The following IPO9 variants were observed in gnomAD, a reference collection of about 807,000 sequenced individuals.
The protein encoded by IPO9 is importin-9.
A neutral mutation model predicts 128.6 loss-of-function variants in IPO9; 28 were observed. The observed-to-expected ratio is 0.22, with a 90% CI of 0.16 to 0.30. IPO9 has a LOEUF of 0.30. Among genes scored for constraint, IPO9 ranks in the 10% least tolerant of loss-of-function variants. The pLI is 1.00. For missense variants in IPO9, 935 were observed against 1,293.9 expected (o/e 0.72, Z 4.26); for synonymous variants, 455 against 475.8 (o/e 0.96, Z 0.57).
At position 201,829,355 on chromosome 1, in the gene IPO9, T is replaced by C. The variant is rs1679783694; in HGVS notation, c.146T>C (p.Val49Ala). ...VRAAAEEQIK[V>A]LEVTEEFGVH... ...GCGGCTGCTGAAGAACAGATTAAGGTGCTGGAGGTGACGGAGGGTGAGTGA... is the reference window on the plus strand; with the variant it reads ...GCGGCTGCTGAAGAACAGATTAAGGCGCTGGAGGTGACGGAGGGTGAGTGA... Residue 49 changes from valine to alanine, a missense_variant, in exon 1 of 24, where the codon GTG (valine) becomes GCG (alanine). Val to Ala is a moderately conservative substitution (Grantham distance 64). Coordinates refer to ENST00000361565, the MANE Select transcript of IPO9 (RefSeq NM_018085.5). The C allele has an allele frequency of 1.9e-6, 3 of 1,575,460 alleles. No individual in the cohort carries two copies. In the Admixed American group the frequency reaches 5.5e-5, roughly 29 times the overall value.
rs1680145797 is a variant in IPO9 at position 201,847,642 on chromosome 1, A to G, written c.312+4A>G. 7.5e-6 allele frequency: 12 copies of G among 1,602,248 alleles called. No homozygotes were observed. Among genetic ancestry groups the G allele is most frequent in the Non-Finnish European group, 1.0e-5 (12 of 1,169,198 alleles). On this transcript the variant is annotated splice_donor_region_variant and intron_variant, in intron 3 of 23. Transcript: ENST00000361565. ...GCCTCCTGAAACTACAGAAAGGGTA[A>G]GTCAGTTACTTGATTAGTCTACCTG...
chr1:201,857,675 A>G (rs2102880332), intron 11 of IPO9, among the ~76,000 whole-genome samples: 1 of 152,096 alleles, frequency 6.6e-6, no homozygotes, highest in Admixed American at 6.5e-5. Context: ...CATGCCTGTA[A>G]TCCCAGCTAC....
At chr1:201,847,719 G>T (rs1253400076) in intron 3 of IPO9, 81 bp downstream of exon 3, 1 of 992,002 alleles carries the variant, frequency 1.0e-6, no homozygotes, top group Non-Finnish European at 1.6e-6. Flanking sequence ...TTCTTTGACA[G>T]CATGGAGCAA....
intron 16 of IPO9, among the ~76,000 whole-genome samples, chr1:201,869,369 CA>C (rs1473988196): frequency 1.3e-5 from 2 of 152,222 alleles, no homozygotes; most frequent in Non-Finnish European, 2.9e-5. Flanking sequence ...AATCCACTAC[CA>C]TGTACTACTG....
chr1:201,840,913 TG>T (rs1680024313), intron 1 of IPO9, among the ~76,000 whole-genome samples: 1 of 152,092 alleles, frequency 6.6e-6, no homozygotes, highest in South Asian at 2.1e-4. Context: ...CTGCATGTAG[TG>T]GGTGGGGAAT....
rs1319090183 is a variant in IPO9, at chr1:201,855,812, T to C, written c.1000T>C (p.Phe334Leu). Reference protein sequence around the residue: ...GEVLGFENLVFSIFEFVHALL... With the variant: ...GEVLGFENLVLSIFEFVHALL... Reference sequence around the variant, plus strand: ...AGTCCTGGGCTTTGAAAATCTCGTCTTTAGCATTTTTGAATTTGTCCATGC... The same window carrying C: ...AGTCCTGGGCTTTGAAAATCTCGTCCTTAGCATTTTTGAATTTGTCCATGC... The change falls in exon 10 of 24, where the codon TTT (phenylalanine) becomes CTT (leucine). Residue 334 changes from phenylalanine (F) to leucine (L), a missense_variant. Physicochemically the swap from Phe to Leu is conservative, Grantham distance 22. Coordinates refer to ENST00000361565, the MANE Select transcript of IPO9 (RefSeq NM_018085.5). The C allele has an allele frequency of 6.2e-7, 1 of 1,611,066 alleles. No homozygotes were observed.
chr1:201,863,007 T>C (rs1356508091), intron 13 of IPO9, among the ~76,000 whole-genome samples: 3 of 152,122 alleles, frequency 2.0e-5, no homozygotes, highest in Admixed American at 6.5e-5. Context: ...ATGCTTTTTC[T>C]CTCAAATGAG....
chr1:201,874,752 T>C, intron 21 of IPO9, 80 bp from the exon 22 acceptor site: 1 of 985,628 alleles, frequency 1.0e-6, no homozygotes, highest in Admixed American at 1.8e-5. Context: ...TTGGGGCCCT[T>C]CTATTCTGGC....
chr1:201,847,099 A>G (rs1014326754), intron 1 of IPO9, among the ~76,000 whole-genome samples, 180 bp from the exon 2 acceptor site: 1 of 152,224 alleles, frequency 6.6e-6, no homozygotes, highest in Non-Finnish European at 1.5e-5. Flanking sequence ...GTAACAAGGC[A>G]TGTCCTGCAA....
intron 1 of IPO9, among the ~76,000 whole-genome samples, chr1:201,842,531 C>G (rs1680053049): frequency 6.6e-6 from 1 of 152,236 alleles, no homozygotes; most frequent in East Asian, 1.9e-4. Context: ...CTAGGAGCTG[C>G]CAGCTATCAA....
chr1:201,865,304 G>T (rs748375706), intron 14 of IPO9, among the ~76,000 whole-genome samples: 1 of 151,690 alleles, frequency 6.6e-6, no homozygotes, highest in East Asian at 1.9e-4. Context: ...TGCCTCCTGG[G>T]TTCAAGCAAT....
intron 4 of IPO9, among the ~76,000 whole-genome samples, chr1:201,851,528 T>G (rs1680217964): frequency 1.3e-5 from 2 of 152,044 alleles, no homozygotes; most frequent in Non-Finnish European, 2.9e-5. Context: ...CGAGTCTCAT[T>G]CTGTGTATAG....
At chr1:201,871,387 T>TTTG in intron 19 of IPO9, 60 bp downstream of exon 19, 2 of 1,048,898 alleles carry the variant, frequency 1.9e-6, no homozygotes, top group Non-Finnish European at 2.6e-6. Context: ...TTTTTTTTTT[T>TTTG]TTTTTTTTTT....
In IPO9 at chr1:201,875,147, A is replaced by G. The variant is rs376567863; in HGVS notation, c.2939-5A>G. 12 of 1,613,754 alleles carry G rather than the reference A, an allele frequency of 7.4e-6. No individual in the cohort carries two copies. The highest frequency in any genetic ancestry group is 4.5e-5 in the East Asian group (2 of 44,890). ...GACCCGCCCTGTGTTGGCTATGTCTAACAGAGGAGGATTACTACGAGGATG... is the reference window on the plus strand; with the variant it reads ...GACCCGCCCTGTGTTGGCTATGTCTGACAGAGGAGGATTACTACGAGGATG... On this transcript the variant is annotated splice_polypyrimidine_tract_variant and splice_region_variant and intron_variant, in intron 22 of 23. Transcript: ENST00000361565.
intron 1 of IPO9, among the ~76,000 whole-genome samples, chr1:201,841,388 T>TA (rs1182889605): frequency 1.3e-5 from 2 of 152,184 alleles, no homozygotes; most frequent in East Asian, 3.8e-4. Flanking sequence ...GTATCACTGT[T>TA]AGAGAAAGAA....
intron 1 of IPO9, among the ~76,000 whole-genome samples, chr1:201,846,705 T>C (rs1311376106): frequency 6.6e-6 from 1 of 152,016 alleles, no homozygotes; most frequent in Non-Finnish European, 1.5e-5. Context: ...GTTTTGCTCT[T>C]GTCTCCCAGG....
At position 201,877,308 on chromosome 1, in the gene IPO9, C is replaced by T. The variant is rs948587713; in HGVS notation, c.*1254C>T. The T allele has an allele frequency of 3.3e-5, 5 of 152,098 alleles. No homozygotes were observed. Among genetic ancestry groups the T allele is most frequent in the Non-Finnish European group, 5.9e-5 (4 of 68,034 alleles). 9.4% of individuals were successfully genotyped at this position (152,098 alleles called of 1,614,324 possible). A position where few individuals can be genotyped will look rare whatever the true frequency, so the allele number is the denominator to read the frequency against. ...TTGAGATCAGGAGTTTGAGGCTAGC[C>T]TGGCCAACACAGTGAAACCTGCATT... is the stretch of plus-strand genomic sequence containing the variant. On this transcript the variant is annotated 3_prime_UTR_variant, in exon 24 of 24. Transcript: ENST00000361565.
chr1:201,855,201 C>G lies in IPO9; in HGVS notation c.970+19C>G, dbSNP rs774350537. 13 of 1,522,830 alleles carry G rather than the reference C, an allele frequency of 8.5e-6. No individual in the cohort carries two copies. In the Admixed American group the frequency reaches 2.2e-4, roughly 26 times the overall value. The allele number at this position is 1,522,830 out of a possible 1,614,324, so 94.3% of individuals were successfully genotyped here. A position where few individuals can be genotyped will look rare whatever the true frequency, so the allele number is the denominator to read the frequency against. ...TCTGATGGTATGTAGTTTATTTGAT[C>G]TTTATAGAAATACCAGTTAGTGGGA... On this transcript the variant is annotated intron_variant, in intron 9 of 23. Transcript: ENST00000361565.
intron 13 of IPO9, among the ~76,000 whole-genome samples, chr1:201,862,749 T>C (rs1237925065): frequency 6.8e-6 from 1 of 147,784 alleles, no homozygotes; most frequent in Non-Finnish European, 1.5e-5. Flanking sequence ...GAGGTTGTGG[T>C]GAGCCGAGAT....
Sources: gnomAD v4.1 joint callset for allele counts (sites outside exome capture counted in the v4.1 genomes callset) on GRCh38, gnomAD v4.1.1 for gene constraint, MANE v1.5 for transcripts, NCBI Gene and HGNC (gene_info 2026-07-23, HGNC 2026-07-21) for gene names.